The following EP400 variants were observed in gnomAD, a reference collection of about 807,000 sequenced individuals.
EP400 encodes the protein E1A-binding protein p400.
Under a neutral mutation model 354.1 loss-of-function variants are expected in EP400, and 105 were observed. That is an observed-to-expected ratio of 0.30 (90% CI 0.25 to 0.35). EP400 has a LOEUF of 0.35. Ranked by LOEUF, EP400 falls within the 10% of genes least tolerant of loss-of-function variation. The pLI is 1.00. For missense variants in EP400, 3,280 were observed against 4,121.0 expected, an observed-to-expected ratio of 0.80 and a Z score of 5.59; for synonymous variants, 1,646 against 1,716.9, an observed-to-expected ratio of 0.96 and a Z score of 1.02.
intron 45 of EP400, among the ~76,000 whole-genome samples, chr12:132,061,455 C>T (rs1000728693): frequency 6.6e-6 from 1 of 152,214 alleles, no homozygotes; most frequent in African/African-American, 2.4e-5. Flanking sequence ...CACTTCGGAA[C>T]CAAGGGAGCT....
rs375397534 is a variant in EP400 at position 131,982,108 on chromosome 12, C to A, written c.1559C>A (p.Thr520Lys). Residue 520 changes from threonine to lysine, a missense_variant, in exon 5 of 53, where the codon ACG (threonine) becomes AAG (lysine). Thr to Lys is a moderately conservative substitution (Grantham distance 78). Transcript: ENST00000389561. The part of the protein sequence containing the change: ...MPTAQGGMPP[T>K]PQAAQLAGQR... ...TATTTTGCAGGAGGAATGCCCCCCA[C>A]GCCGCAGGCCGCGCAGCTCGCTGGA... 1.3e-6 allele frequency: 2 copies of A among 1,518,450 alleles called. No homozygotes were observed. The highest frequency in any genetic ancestry group is 1.4e-5 in the African/African-American group (1 of 72,038). 94.1% of individuals were successfully genotyped at this position (1,518,450 alleles called of 1,614,324 possible). A position where few individuals can be genotyped will look rare whatever the true frequency, so the allele number is the denominator to read the frequency against.
intron 47 of EP400, among the ~76,000 whole-genome samples, chr12:132,063,658 T>G (rs1055413075): frequency 1.3e-5 from 2 of 152,074 alleles, no homozygotes; most frequent in Non-Finnish European, 2.9e-5. Context: ...AGTCTGGGCC[T>G]CTCCGTGGTC....
At chr12:131,969,219 G>T (rs1178160501) in intron 2 of EP400, among the ~76,000 whole-genome samples, 1 of 151,968 alleles carries the variant, frequency 6.6e-6, no homozygotes. Flanking sequence ...AATTGATGTT[G>T]AATTTTGTCA....
intron 12 of EP400, among the ~76,000 whole-genome samples, chr12:131,996,924 CT>C: frequency 6.6e-6 from 1 of 152,292 alleles, no homozygotes; most frequent in African/African-American, 2.4e-5. Flanking sequence ...TGTCTTTTCA[CT>C]CTTTGCAGTA....
chr12:132,058,852 T>TC (rs1895601475), intron 45 of EP400, among the ~76,000 whole-genome samples: 1 of 150,126 alleles, frequency 6.7e-6, no homozygotes, highest in African/African-American at 2.5e-5. Context: ...AGGGGTACAA[T>TC]CACAGCTCAC....
In EP400 at chr12:132,070,265, C is replaced by T. The variant is rs781081137; in HGVS notation, c.9021+624C>T. ...AGTTTTACCTTCTCAGCTAGTCTTA[C>T]ATCCTCTGGGAATTGGTTTTTGGGT... On this transcript the variant is annotated intron_variant, in intron 51 of 52. Coordinates refer to ENST00000389561, the MANE Select transcript of EP400 (RefSeq NM_015409.5). The surrounding 1 kb of genome is among the most constrained non-coding windows in gnomAD (Gnocchi z 4.1). Among the ~76,000 whole-genome samples, 1 of 152,246 alleles carries T rather than the reference C, an allele frequency of 6.6e-6. No individual in the cohort carries two copies. The highest frequency in any genetic ancestry group is 1.5e-5 in the Non-Finnish European group (1 of 68,046).
rs369788782 is a variant in EP400 at position 131,960,865 on chromosome 12, C to T, written c.246C>T (p.Val82=). 1.9e-5 allele frequency: 30 copies of T among 1,613,890 alleles called. No homozygotes were observed. The highest frequency in any genetic ancestry group is 1.2e-4 in the African/African-American group (9 of 74,916). ...TCACCCTGCAGAGCGTGGGCCCTGT[C>T]GTCGGGGGAAACCAGCAGATCACAC... ...VNITLQSVGP[V]VGGNQQITLA... is the part of the protein sequence containing the mutation. Residue 82 remains valine, a synonymous_variant, in exon 2 of 53, where the codon GTC becomes GTT. Coordinates refer to ENST00000389561, the MANE Select transcript of EP400 (RefSeq NM_015409.5).
intron 10 of EP400, 78 bp downstream of exon 10, chr12:131,991,534 C>G (rs1893032790): frequency 1.5e-6 from 2 of 1,310,196 alleles, no homozygotes; most frequent in African/African-American, 2.9e-5. Flanking sequence ...TCATTCTTAT[C>G]CAGAGGAATT....
chr12:131,967,834 A>G (rs1464980500), intron 2 of EP400, among the ~76,000 whole-genome samples: 2 of 152,010 alleles, frequency 1.3e-5, no homozygotes, highest in Non-Finnish European at 2.9e-5. Flanking sequence ...TTTCTTTTTT[A>G]ATCATTCCAG....
intron 48 of EP400, 145 bp from the exon 49 acceptor site, chr12:132,066,629 T>A: frequency 2.4e-6 from 2 of 838,494 alleles, no homozygotes; most frequent in Non-Finnish European, 3.6e-6. Context: ...TGCAGATCTC[T>A]CAGTTTTCCT....
At chr12:131,977,735 A>C (rs528065444) in intron 2 of EP400, among the ~76,000 whole-genome samples, 2 of 150,354 alleles carry the variant, frequency 1.3e-5, no homozygotes, top group South Asian at 4.2e-4. Context: ...TTCCTTTTCC[A>C]TCTTGGTTAA....
At position 132,027,019 on chromosome 12, in the gene EP400, G is replaced by C. The variant is rs1349641358; in HGVS notation, c.5015-418G>C. ...TGAGGACTGGGTGGACTTCCTGCCGGGGCTGGGCTGCTCATGGCAGGCAAG... is the reference window on the plus strand; with the variant it reads ...TGAGGACTGGGTGGACTTCCTGCCGCGGCTGGGCTGCTCATGGCAGGCAAG... On this transcript the variant is annotated intron_variant, in intron 25 of 52. Transcript: ENST00000389561. The surrounding 1 kb of genome is among the most constrained non-coding windows in gnomAD (Gnocchi z 4.9). Among the ~76,000 whole-genome samples the C allele has an allele frequency of 1.3e-5, 2 of 152,172 alleles. No individual in the cohort carries two copies. Among genetic ancestry groups the C allele is most frequent in the African/African-American group, 4.8e-5 (2 of 41,440 alleles).
intron 12 of EP400, among the ~76,000 whole-genome samples, chr12:131,997,084 G>C (rs1301005881): frequency 6.6e-6 from 1 of 152,036 alleles, no homozygotes; most frequent in Non-Finnish European, 1.5e-5. Flanking sequence ...AATTGGTTTT[G>C]TTATACAGTT....
rs1359871253 is a variant in EP400, at chr12:131,990,338, T to C, written c.2550+234T>C. On this transcript the variant is annotated intron_variant, in intron 8 of 52. Coordinates refer to ENST00000389561, the MANE Select transcript of EP400 (RefSeq NM_015409.5). This position sits in a 1 kb window ranked among gnomAD's most constrained non-coding sequence, Gnocchi z 4.2. ...TGTGGCTGCCCTCTGAGGTGCTTCA[T>C]GCCGTGGAGGGGCTCTGGGCATTGT... Among the ~76,000 whole-genome samples, 1 of 152,204 alleles carries C rather than the reference T, an allele frequency of 6.6e-6. No homozygotes were observed. Among genetic ancestry groups the C allele is most frequent in the Non-Finnish European group, 1.5e-5 (1 of 68,052 alleles).
At chr12:132,020,330 A>C (rs539940250) in intron 22 of EP400, 112 bp downstream of exon 22, 2 of 1,281,700 alleles carry the variant, frequency 1.6e-6, no homozygotes, top group Non-Finnish European at 2.1e-6. Context: ...GAGTGGGAAC[A>C]GGCACCACCC....
rs1895915868 is a variant in EP400, at chr12:132,067,067, C to T, written c.8749+98C>T. 1 of 1,384,416 alleles carries T rather than the reference C, an allele frequency of 7.2e-7. No individual in the cohort carries two copies. Among genetic ancestry groups the T allele is most frequent in the Non-Finnish European group, 9.5e-7 (1 of 1,051,378 alleles). 85.8% of individuals were successfully genotyped at this position (1,384,416 alleles called of 1,614,324 possible). Reference sequence around the variant, plus strand: ...GCCAGCGACCCGTGTTCTTTCCTCACACCCACCCACTTGAGCGTGCCATCA... The same window carrying T: ...GCCAGCGACCCGTGTTCTTTCCTCATACCCACCCACTTGAGCGTGCCATCA... On this transcript the variant is annotated intron_variant, in intron 49 of 52. Coordinates refer to ENST00000389561, the MANE Select transcript of EP400 (RefSeq NM_015409.5). This position sits in a 1 kb window ranked among gnomAD's most constrained non-coding sequence, Gnocchi z 5.3.
chr12:131,950,524 A>C (rs542265144), intron 1 of EP400, among the ~76,000 whole-genome samples: 2 of 152,092 alleles, frequency 1.3e-5, no homozygotes, highest in African/African-American at 4.8e-5. Flanking sequence ...GAATTCACTC[A>C]GAACTTAAGG....
At chr12:132,010,521 G>A (rs1484022642) in intron 15 of EP400, among the ~76,000 whole-genome samples, 1 of 152,190 alleles carries the variant, frequency 6.6e-6, no homozygotes, top group Non-Finnish European at 1.5e-5. Flanking sequence ...TAGCAGTAAT[G>A]GCCATAGATG....
Position 131,994,731 on chromosome 12 carries a change from C to T in EP400, c.2738-136C>T. 1.6e-6 allele frequency: 1 copy of T among 627,664 alleles called. No individual in the cohort carries two copies. Among genetic ancestry groups the T allele is most frequent in the Non-Finnish European group, 2.7e-6 (1 of 367,640 alleles). 38.9% of individuals were successfully genotyped at this position (627,664 alleles called of 1,614,324 possible). On this transcript the variant is annotated intron_variant, in intron 11 of 52. Coordinates refer to ENST00000389561, the MANE Select transcript of EP400 (RefSeq NM_015409.5). The surrounding 1 kb of genome is among the most constrained non-coding windows in gnomAD (Gnocchi z 4.6). The stretch of plus-strand genomic sequence containing the variant: ...TTCCTGCCCATTTAATTAAATTTAA[C>T]CTGAGAAGTTTAAAAGCTCAGTTTC...
Sources: allele counts gnomAD v4.1 joint callset (sites outside exome capture counted in the v4.1 genomes callset), GRCh38; gene constraint gnomAD v4.1.1; non-coding constraint Gnocchi (gnomAD v3.1); transcripts MANE v1.5; gene names NCBI Gene and HGNC (gene_info 2026-07-23, HGNC 2026-07-21).